Variants in CDH12 observed in about 807,000 individuals in gnomAD.
The protein encoded by CDH12 is cadherin 12.
Under a neutral mutation model 74.1 loss-of-function variants are expected in CDH12, and 41 were observed. The observed-to-expected ratio is 0.55, with a 90% confidence interval of 0.43 to 0.72. CDH12 has a LOEUF of 0.72. Ranked by LOEUF, CDH12 falls within the 30% of genes least tolerant of loss-of-function variation. The pLI is 0.00. For synonymous variants in CDH12, 399 were observed against 355.0 expected (o/e 1.12, Z -1.39); for missense variants, 945 against 977.2 (o/e 0.97, Z 0.44).
chr5:22,176,301 T>C (rs560353099), intron 4 of CDH12, among the ~76,000 whole-genome samples: 1 of 152,228 alleles, frequency 6.6e-6, no homozygotes, highest in Non-Finnish European at 1.5e-5. Flanking sequence ...TGTTGCTTTG[T>C]TTCTTTTTTT....
chr5:22,781,496 C>T (rs1205647511), intron 1 of CDH12, among the ~76,000 whole-genome samples: 2 of 152,094 alleles, frequency 1.3e-5, no homozygotes, highest in Non-Finnish European at 2.9e-5. Flanking sequence ...AAGTCTCCTC[C>T]CACCACAGGA....
At chr5:22,695,513 G>A (rs1742313259) in intron 1 of CDH12, among the ~76,000 whole-genome samples, 1 of 152,080 alleles carries the variant, frequency 6.6e-6, no homozygotes, top group Non-Finnish European at 1.5e-5. Context: ...ACAAGCAATG[G>A]GGAAAGGATT....
At chr5:21,813,508 A>G (rs1747869461) in intron 9 of CDH12, among the ~76,000 whole-genome samples, 1 of 151,944 alleles carries the variant, frequency 6.6e-6, no homozygotes. Context: ...AAAAATAAAT[A>G]AAAGAGTAAA....
intron 1 of CDH12, among the ~76,000 whole-genome samples, chr5:22,732,316 A>G (rs1471999281): frequency 6.6e-6 from 1 of 151,768 alleles, no homozygotes; most frequent in Non-Finnish European, 1.5e-5. Flanking sequence ...CACTCTAATG[A>G]CCTAATTCAA....
chr5:22,637,021 C>CTAT (rs1284068442), intron 1 of CDH12, among the ~76,000 whole-genome samples: 2 of 152,162 alleles, frequency 1.3e-5, no homozygotes, highest in Admixed American at 6.5e-5. Context: ...ATCTATAGTA[C>CTAT]ATGACTAGCT....
chr5:22,435,885 A>G (rs923967240), intron 2 of CDH12, among the ~76,000 whole-genome samples: 12 of 151,888 alleles, frequency 7.9e-5, no homozygotes, highest in South Asian at 2.1e-4. Flanking sequence ...TTGACTCCCT[A>G]TGATTTCATC....
At chr5:22,617,752 G>T (rs1336738507) in intron 1 of CDH12, among the ~76,000 whole-genome samples, 1 of 152,048 alleles carries the variant, frequency 6.6e-6, no homozygotes, top group African/African-American at 2.4e-5. Flanking sequence ...TGTGCAAAGA[G>T]AATAATGGAG....
chr5:22,718,015 A>G (rs1743671843), intron 1 of CDH12, among the ~76,000 whole-genome samples: 1 of 152,190 alleles, frequency 6.6e-6, no homozygotes, highest in Non-Finnish European at 1.5e-5. Flanking sequence ...CCCGAGAATC[A>G]GCTAATGCTT....
chr5:22,126,530 TA>T (rs569613906), intron 4 of CDH12, among the ~76,000 whole-genome samples: 10 of 152,166 alleles, frequency 6.6e-5, no homozygotes, highest in South Asian at 6.2e-4. Context: ...ATCTTGCATA[TA>T]AAAAAAACTT....
At chr5:21,764,777 T>C (rs1744921883) in intron 12 of CDH12, among the ~76,000 whole-genome samples, 1 of 152,176 alleles carries the variant, frequency 6.6e-6, no homozygotes, top group Non-Finnish European at 1.5e-5. Context: ...AATCAGTACT[T>C]CATCTGTGCG....
At chr5:21,990,234 A>G (rs1041407284) in intron 5 of CDH12, among the ~76,000 whole-genome samples, 3 of 152,186 alleles carry the variant, frequency 2.0e-5, no homozygotes, top group Non-Finnish European at 4.4e-5. Context: ...GAATTTATAA[A>G]GGAATGAATG....
chr5:22,105,319 TC>T (rs1366728478), intron 4 of CDH12, among the ~76,000 whole-genome samples: 1 of 151,246 alleles, frequency 6.6e-6, no homozygotes, highest in Non-Finnish European at 1.5e-5. Flanking sequence ...GGTCTTGATC[TC>T]CTGACCTCGT....
intron 2 of CDH12, among the ~76,000 whole-genome samples, chr5:22,467,482 A>G (rs773617190): frequency 4.3e-4 from 65 of 152,106 alleles, no homozygotes; most frequent in Non-Finnish European, 9.3e-4. Flanking sequence ...TTTGCATTAC[A>G]TTCATTTTCA....
At chr5:22,125,261 GT>G (rs1377235842) in intron 4 of CDH12, among the ~76,000 whole-genome samples, 1 of 151,754 alleles carries the variant, frequency 6.6e-6, no homozygotes, top group Non-Finnish European at 1.5e-5. Context: ...CCCTCCCCTT[GT>G]CCCCCACTCC....
chr5:22,531,873 A>C (rs576391442), intron 1 of CDH12, among the ~76,000 whole-genome samples: 1 of 151,998 alleles, frequency 6.6e-6, no homozygotes, highest in South Asian at 2.1e-4. Context: ...CCAGAAAGCA[A>C]CTCCTTCCAC....
At chr5:22,384,136 C>T (rs1032380364) in intron 3 of CDH12, among the ~76,000 whole-genome samples, 4 of 152,060 alleles carry the variant, frequency 2.6e-5, no homozygotes, top group African/African-American at 9.7e-5. Flanking sequence ...TTATTTTTCT[C>T]ATTTTTCTCT....
intron 1 of CDH12, among the ~76,000 whole-genome samples, chr5:22,535,141 T>C (rs1160694235): frequency 1.4e-5 from 2 of 139,796 alleles, no homozygotes; most frequent in Non-Finnish European, 3.1e-5. Flanking sequence ...CTGGCTAATT[T>C]TCTTTTTTTT....
chr5:21,880,595 CCTTCCTTCCTT>C (rs1752235212), intron 6 of CDH12, among the ~76,000 whole-genome samples: 6 of 52,724 alleles, frequency 1.1e-4, no homozygotes, highest in African/African-American at 3.8e-4. Context: ...TTCCTTCCTT[CCTTCCTTCCTT>C]CCTTCCTTCC....
chr5:22,520,896 T>G lies in CDH12; in HGVS notation c.-522-15532A>C, dbSNP rs180958085. On this transcript the variant is annotated intron_variant, in intron 1 of 14. Transcript: ENST00000382254. ...TAAGTATATTGCACGTGGTTTCCGT[T>G]AGTTATTTATTATGAATCCTCTTTA... Among the ~76,000 whole-genome samples the G allele has an allele frequency of 2.9e-4, 44 of 152,212 alleles. No homozygotes were observed. In the East Asian group the frequency reaches 3.1e-3, roughly 11 times the overall value.
Sources: gnomAD v4.1 joint callset for allele counts (sites outside exome capture counted in the v4.1 genomes callset) on GRCh38, gnomAD v4.1.1 for gene constraint, MANE v1.5 for transcripts, NCBI Gene and HGNC (gene_info 2026-07-23, HGNC 2026-07-21) for gene names.